PRUNE2: variants seen among roughly 807,000 people sequenced by gnomAD.
PRUNE2 encodes the protein prune homolog 2 with BCH domain.
Under a neutral mutation model 252.0 loss-of-function variants are expected in PRUNE2, and 164 were observed. The observed-to-expected ratio is 0.65, with a 90% CI of 0.57 to 0.74. The LOEUF (loss-of-function observed/expected upper bound fraction) is 0.74. Among genes scored for constraint, PRUNE2 ranks in the 30% least tolerant of loss-of-function variants. PRUNE2 has a pLI of 0.00. For missense variants in PRUNE2, 3,495 were observed against 3,711.0 expected (o/e 0.94, Z 1.51); for synonymous variants, 1,292 against 1,350.2 (o/e 0.96, Z 0.94).
At chr9:76,836,484 G>A (rs1057037687) in intron 4 of PRUNE2, among the ~76,000 whole-genome samples, 4 of 151,746 alleles carry the variant, frequency 2.6e-5, no homozygotes, top group Non-Finnish European at 5.9e-5. Flanking sequence ...CAAGGAAGGG[G>A]AGAAGCTAAA....
intron 4 of PRUNE2, among the ~76,000 whole-genome samples, chr9:76,837,982 A>G (rs1469645461): frequency 2.0e-5 from 3 of 152,034 alleles, no homozygotes; most frequent in Middle Eastern, 3.4e-3. Flanking sequence ...CGTGTTAGCC[A>G]GGATGGTCTC....
intron 4 of PRUNE2, among the ~76,000 whole-genome samples, chr9:76,845,505 G>A (rs573802813): frequency 1.6e-3 from 238 of 152,216 alleles, no homozygotes; most frequent in Middle Eastern, 6.8e-3. Context: ...CGTTTTTACC[G>A]ACATTCATTG....
In PRUNE2 at chr9:76,897,377, C is replaced by T. The variant is rs1245037227; in HGVS notation, c.36+8551G>A. The stretch of plus-strand genomic sequence containing the variant: ...GCTCTACTCTTTGTGGCTATGCAAC[C>T]TTAGGCAAACCTCTTTTTTTTTTTT... On this transcript the variant is annotated intron_variant, in intron 1 of 18. Transcript: ENST00000376718. 4.4e-5 allele frequency among the ~76,000 whole-genome samples: 6 copies of T among 137,596 alleles called. No individual in the cohort carries two copies. In the South Asian group the frequency reaches 1.2e-3, roughly 27 times the overall value. The allele number at this position is 137,596 out of a possible 152,430, so 90.3% of individuals were successfully genotyped here.
intron 11 of PRUNE2, 93 bp downstream of exon 11, chr9:76,652,390 A>T (rs1045778755): frequency 7.0e-6 from 6 of 852,342 alleles, no homozygotes; most frequent in Non-Finnish European, 1.1e-5. Flanking sequence ...AGAAATCACA[A>T]AAAGGATCCA....
chr9:76,719,658 T>C (rs2047456296), intron 6 of PRUNE2, among the ~76,000 whole-genome samples: 2 of 151,990 alleles, frequency 1.3e-5, no homozygotes, highest in Non-Finnish European at 2.9e-5. Context: ...TGTTCCTTTT[T>C]TTTTTCAGAG....
intron 9 of PRUNE2, among the ~76,000 whole-genome samples, chr9:76,665,943 A>G (rs974201607): frequency 2.0e-5 from 3 of 152,228 alleles, no homozygotes; most frequent in African/African-American, 2.4e-5. Context: ...GATCTAGATC[A>G]TAGACATGAT....
At chr9:76,679,154 AGTT>A (rs2043147329) in intron 9 of PRUNE2, among the ~76,000 whole-genome samples, 1 of 152,204 alleles carries the variant, frequency 6.6e-6, no homozygotes, top group Non-Finnish European at 1.5e-5. Flanking sequence ...TTACTTAGAA[AGTT>A]GTTGTAAGGA....
At chr9:76,838,000 T>C (rs1275826849) in intron 4 of PRUNE2, among the ~76,000 whole-genome samples, 1 of 151,938 alleles carries the variant, frequency 6.6e-6, no homozygotes, top group Non-Finnish European at 1.5e-5. Flanking sequence ...CTCGATCTCC[T>C]GACCTCGTGA....
chr9:76,652,764 TC>T, intron 10 of PRUNE2, 81 bp from the exon 11 acceptor site: 1 of 999,254 alleles, frequency 1.0e-6, no homozygotes, highest in Non-Finnish European at 1.5e-6. Flanking sequence ...TCCCAAATGC[TC>T]CAAAATCTGA....
At chr9:76,640,479 T>A (rs899285256) in intron 12 of PRUNE2, among the ~76,000 whole-genome samples, 7 of 152,236 alleles carry the variant, frequency 4.6e-5, no homozygotes, top group Admixed American at 2.0e-4. Flanking sequence ...GTATTTATAC[T>A]ACAGATCTTA....
chr9:76,660,781 CAA>C (rs11432174), intron 9 of PRUNE2, among the ~76,000 whole-genome samples: 11 of 101,044 alleles, frequency 1.1e-4, no homozygotes, highest in East Asian at 3.0e-4. Flanking sequence ...GACTCTGAAT[CAA>C]AAAAAAAAAA....
At chr9:76,645,633 CTT>C (rs1479833035) in intron 11 of PRUNE2, among the ~76,000 whole-genome samples, 1 of 151,344 alleles carries the variant, frequency 6.6e-6, no homozygotes, top group Non-Finnish European at 1.5e-5. Flanking sequence ...GAAATTTACT[CTT>C]GTGCATTTAA....
chr9:76,851,253 C>T (rs2059937865), intron 2 of PRUNE2, among the ~76,000 whole-genome samples: 1 of 152,088 alleles, frequency 6.6e-6, no homozygotes, highest in African/African-American at 2.4e-5. Context: ...GTAGTTAAAA[C>T]TTTAAATTAA....
chr9:76,860,948 C>A (rs2060512952), intron 1 of PRUNE2, among the ~76,000 whole-genome samples: 1 of 152,136 alleles, frequency 6.6e-6, no homozygotes, highest in African/African-American at 2.4e-5. Context: ...AGGGCCCAGC[C>A]CCTCCCCAGG....
In PRUNE2 at chr9:76,704,778, T is replaced by C; in HGVS notation, c.7496A>G (p.Asp2499Gly). Reference sequence around the variant, plus strand: ...TTTCTTACCATTTGGTGGTCCTATGTCTCCACCTGCTGGTAAATCAGAATT... The same window carrying C: ...TTTCTTACCATTTGGTGGTCCTATGCCTCCACCTGCTGGTAAATCAGAATT... Reference protein sequence around the residue: ...TDNSDLPAGGDIGPPNGASKE... With the variant: ...TDNSDLPAGGGIGPPNGASKE... The change falls in exon 8 of 19, where the codon GAC (aspartate) becomes GGC (glycine). Residue 2499 changes from aspartate to glycine, a missense_variant. Physicochemically the swap from Asp to Gly is moderately conservative, Grantham distance 94. Transcript: ENST00000376718. The C allele has an allele frequency of 6.4e-7, 1 of 1,560,656 alleles. No individual in the cohort carries two copies. Among genetic ancestry groups the C allele is most frequent in the South Asian group, 1.2e-5 (1 of 84,610 alleles).
intron 9 of PRUNE2, among the ~76,000 whole-genome samples, chr9:76,683,192 G>C (rs526596): frequency 0.78 from 119,375 of 152,248 alleles, 50,022 homozygotes; most frequent in Non-Finnish European, 0.92. Context: ...GCCCCTGCCA[G>C]AGTGATTGGT....
At position 76,708,148 on chromosome 9, in the gene PRUNE2, T is replaced by C; in HGVS notation, c.4126A>G (p.Ile1376Val). The C allele has an allele frequency of 6.2e-7, 1 of 1,613,986 alleles. No individual in the cohort carries two copies. The highest frequency in any genetic ancestry group is 1.3e-5 in the African/African-American group (1 of 75,048). ...SSLVASEHQE[I>V]CIKSGKISSL... ...CTGATTTTGCCTGATTTAATGCAGA[T>C]TTCCTGATGTTCAGATGCAACCAGA... Residue 1376 changes from isoleucine to valine, a missense_variant, in exon 8 of 19, where the codon ATC becomes GTC. Physicochemically the swap from Ile to Val is conservative, Grantham distance 29. Coordinates refer to ENST00000376718, the MANE Select transcript of PRUNE2 (RefSeq NM_015225.3).
intron 2 of PRUNE2, among the ~76,000 whole-genome samples, chr9:76,852,851 T>G (rs2060043874): frequency 6.6e-6 from 1 of 152,096 alleles, no homozygotes; most frequent in Non-Finnish European, 1.5e-5. Flanking sequence ...TATCTATCCA[T>G]GTGTTTTATC....
chr9:76,672,820 A>G (rs1420989808), intron 9 of PRUNE2, among the ~76,000 whole-genome samples: 2 of 138,066 alleles, frequency 1.4e-5, no homozygotes, highest in African/African-American at 2.7e-5. Flanking sequence ...ACATAACGAA[A>G]TGAAGGCAGA....
Sources: gnomAD v4.1 joint callset for allele counts (sites outside exome capture counted in the v4.1 genomes callset) on GRCh38, gnomAD v4.1.1 for gene constraint, MANE v1.5 for transcripts, NCBI Gene and HGNC (gene_info 2026-07-23, HGNC 2026-07-21) for gene names.